FER1L5: variants seen among roughly 807,000 people sequenced by gnomAD.
FER1L5 encodes the protein fer-1-like protein 5.
A neutral mutation model predicts 279.9 loss-of-function variants in FER1L5; 187 were observed. The ratio of observed to expected loss-of-function variants is 0.67; its 90% CI spans 0.59 to 0.75. FER1L5 has a LOEUF of 0.75. Among genes scored for constraint, FER1L5 ranks in the 30% least tolerant of loss-of-function variants. The pLI is 0.00. For synonymous variants in FER1L5, 921 were observed against 989.7 expected (o/e 0.93, Z 1.30); for missense variants, 2,091 against 2,594.4 (o/e 0.81, Z 4.21).
At chr2:96,676,321 G>A (rs1029457835) in intron 19 of FER1L5, among the ~76,000 whole-genome samples, 4 of 152,038 alleles carry the variant, frequency 2.6e-5, no homozygotes, top group Admixed American at 6.6e-5. Context: ...ACAGGCATGC[G>A]CCACCATGCC....
chr2:96,698,525 G>T lies in FER1L5; in HGVS notation c.4357-146G>T. 1 of 700,950 alleles carries T rather than the reference G, an allele frequency of 1.4e-6. No individual in the cohort carries two copies. The highest frequency in any genetic ancestry group is 2.4e-6 in the Non-Finnish European group (1 of 423,092). The allele number at this position is 700,950 out of a possible 1,614,324, so 43.4% of individuals were successfully genotyped here. ...GCCCTGCTGAACACCTTCTGTACCT[G>T]CCTCCACTGTCCTCATGGCCTTCTA... On this transcript the variant is annotated intron_variant, in intron 40 of 52. Coordinates refer to ENST00000624922, the MANE Select transcript of FER1L5 (RefSeq NM_001293083.2). The surrounding 1 kb of genome is among the most constrained non-coding windows in gnomAD (Gnocchi z 5.5).
chr2:96,668,174 A>G (rs1435701361), intron 14 of FER1L5, among the ~76,000 whole-genome samples: 1 of 152,146 alleles, frequency 6.6e-6, no homozygotes, highest in Non-Finnish European at 1.5e-5. Context: ...AAAAATACAA[A>G]ACGATCATGT....
In FER1L5 at chr2:96,691,822, C is replaced by T. The variant is rs1173573689; in HGVS notation, c.3076-3C>T. 6.4e-7 allele frequency: 1 copy of T among 1,551,632 alleles called. No homozygotes were observed. Among genetic ancestry groups the T allele is most frequent in the Non-Finnish European group, 8.7e-7 (1 of 1,147,002 alleles). On this transcript the variant is annotated splice_polypyrimidine_tract_variant and splice_region_variant and intron_variant, in intron 29 of 52. Transcript: ENST00000624922. This position sits in a 1 kb window ranked among gnomAD's most constrained non-coding sequence, Gnocchi z 6.0. ...GCCTCAGGGGAGACTGTCCTGGGTA[C>T]AGGCTATGGATCTGAAATACCACGC... is the stretch of plus-strand genomic sequence containing the variant.
rs1200229538 is a variant in FER1L5, at chr2:96,654,435, C to T, written c.697-11C>T. 2.5e-6 allele frequency: 1 copy of T among 399,098 alleles called. No homozygotes were observed. The highest frequency in any genetic ancestry group is 4.4e-5 in the Admixed American group (1 of 22,742). The allele number at this position is 399,098 out of a possible 1,614,324, so 24.7% of individuals were successfully genotyped here. ...TGAATAATTAAAATATTTCTGGGAA[C>T]TCCCTTGCAGGTGGTGAACTCCTCA... On this transcript the variant is annotated splice_polypyrimidine_tract_variant and intron_variant, in intron 8 of 52. Coordinates refer to ENST00000624922, the MANE Select transcript of FER1L5 (RefSeq NM_001293083.2).
chr2:96,694,696 G>A lies in FER1L5; in HGVS notation c.3741+232G>A. ...AGGAGTAGGCAAAGGGCTGTAGCATGCATGATCACTTGTGGGACTCACGCT... is the reference window on the plus strand; with the variant it reads ...AGGAGTAGGCAAAGGGCTGTAGCATACATGATCACTTGTGGGACTCACGCT... On this transcript the variant is annotated intron_variant, in intron 34 of 52. Transcript: ENST00000624922. This position sits in a 1 kb window ranked among gnomAD's most constrained non-coding sequence, Gnocchi z 4.6. 2.4e-6 allele frequency: 1 copy of A among 409,428 alleles called. No individual in the cohort carries two copies. The allele number at this position is 409,428 out of a possible 1,614,324, so 25.4% of individuals were successfully genotyped here.
Position 96,702,287 on chromosome 2 carries a change from CAG to C in FER1L5, c.5160-16_5160-15del, listed in dbSNP as rs780395107. On this transcript the variant is annotated splice_polypyrimidine_tract_variant and intron_variant, in intron 46 of 52. Transcript: ENST00000624922. The surrounding 1 kb of genome is among the most constrained non-coding windows in gnomAD (Gnocchi z 4.0). Reference sequence around the variant, plus strand: ...GGGGAGCTCCTCCTCAGCAAAGCCTCAGAGCACAGTGGCCACAGGTATGAGCT... The same window carrying C: ...GGGGAGCTCCTCCTCAGCAAAGCCTCAGCACAGTGGCCACAGGTATGAGCT... 13 of 1,606,188 alleles carry C rather than the reference CAG, an allele frequency of 8.1e-6. No individual in the cohort carries two copies. Among genetic ancestry groups the C allele is most frequent in the African/African-American group, 1.3e-5 (1 of 74,906 alleles).
intron 19 of FER1L5, among the ~76,000 whole-genome samples, chr2:96,679,450 G>C (rs771377985): frequency 1.3e-5 from 2 of 152,026 alleles, no homozygotes; most frequent in Non-Finnish European, 2.9e-5. Context: ...TCTCGATCTC[G>C]TGACCTCGTG....
chr2:96,673,022 T>C lies in FER1L5; in HGVS notation c.1492-55T>C, dbSNP rs1007922963. On this transcript the variant is annotated intron_variant, in intron 18 of 52. Transcript: ENST00000624922. ...TCATCCTTGCCTCCCTGCCTGTCAA[T>C]ATAACCCTTGGCTTATGTACTGGGT... 5 of 1,518,830 alleles carry C rather than the reference T, an allele frequency of 3.3e-6. No homozygotes were observed. The Admixed American group carries it at 1.0e-4, about 32-fold the overall frequency. The allele number at this position is 1,518,830 out of a possible 1,614,324, so 94.1% of individuals were successfully genotyped here.
intron 19 of FER1L5, among the ~76,000 whole-genome samples, chr2:96,678,063 G>A (rs556379853): frequency 7.3e-5 from 11 of 151,334 alleles, no homozygotes; most frequent in South Asian, 2.1e-4. Flanking sequence ...GCAGCTCATC[G>A]TTGTGTTAAT....
At position 96,698,522 on chromosome 2, in the gene FER1L5, C is replaced by A; in HGVS notation, c.4357-149C>A. 1 of 695,300 alleles carries A rather than the reference C, an allele frequency of 1.4e-6. No individual in the cohort carries two copies. The highest frequency in any genetic ancestry group is 2.4e-6 in the Non-Finnish European group (1 of 418,806). 43.1% of individuals were successfully genotyped at this position (695,300 alleles called of 1,614,324 possible). ...TGGGCCCTGCTGAACACCTTCTGTA[C>A]CTGCCTCCACTGTCCTCATGGCCTT... On this transcript the variant is annotated intron_variant, in intron 40 of 52. Coordinates refer to ENST00000624922, the MANE Select transcript of FER1L5 (RefSeq NM_001293083.2). This position sits in a 1 kb window ranked among gnomAD's most constrained non-coding sequence, Gnocchi z 5.5.
chr2:96,698,659 T>C lies in FER1L5; in HGVS notation c.4357-12T>C, dbSNP rs1573966817. 1 of 1,568,682 alleles carries C rather than the reference T, an allele frequency of 6.4e-7. No individual in the cohort carries two copies. The highest frequency in any genetic ancestry group is 8.6e-7 in the Non-Finnish European group (1 of 1,156,702). Reference sequence around the variant, plus strand: ...CTGCCAGGCTGGGCCCCCAACACCCTCCCCCCGCCAGGGCCTTTTCCGCAT... The same window carrying C: ...CTGCCAGGCTGGGCCCCCAACACCCCCCCCCCGCCAGGGCCTTTTCCGCAT... On this transcript the variant is annotated splice_polypyrimidine_tract_variant and intron_variant, in intron 40 of 52. Coordinates refer to ENST00000624922, the MANE Select transcript of FER1L5 (RefSeq NM_001293083.2). This position sits in a 1 kb window ranked among gnomAD's most constrained non-coding sequence, Gnocchi z 5.5.
At chr2:96,701,913 G>C (rs2077599923) in intron 45 of FER1L5, 42 bp from the exon 46 acceptor site, 1 of 1,595,038 alleles carries the variant, frequency 6.3e-7, no homozygotes, top group Non-Finnish European at 8.6e-7. Context: ...GCTGAGAACA[G>C]AGGCTAGCAA....
At chr2:96,662,075 G>A in intron 12 of FER1L5, 140 bp from the exon 13 acceptor site, 2 of 870,794 alleles carry the variant, frequency 2.3e-6, no homozygotes, top group Non-Finnish European at 3.6e-6. Context: ...GAAGGGGCAT[G>A]GTGGGAACTG....
intron 18 of FER1L5, among the ~76,000 whole-genome samples, chr2:96,672,516 G>A (rs1055289484): frequency 6.6e-6 from 1 of 152,132 alleles, no homozygotes; most frequent in Admixed American, 6.5e-5. Flanking sequence ...GCAAGAATGG[G>A]GCAGAGGTTG....
intron 2 of FER1L5, 78 bp downstream of exon 2, chr2:96,646,531 C>A: frequency 2.1e-6 from 3 of 1,446,160 alleles, no homozygotes; most frequent in Non-Finnish European, 2.8e-6. Flanking sequence ...CAGGAAGGTG[C>A]TCAGAGGTCT....
Position 96,704,376 on chromosome 2 carries a change from A to C in FER1L5, c.5949+14A>C, listed in dbSNP as rs751889866. 4 of 1,613,648 alleles carry C rather than the reference A, an allele frequency of 2.5e-6. No individual in the cohort carries two copies. Among genetic ancestry groups the C allele is most frequent in the Admixed American group, 3.3e-5 (2 of 59,994 alleles). ...TATTCAGCTCCGGTGAGTGGCAGCC[A>C]TGGGGGCAAGGACAAAGGTGGTCTC... On this transcript the variant is annotated intron_variant, in intron 52 of 52. Coordinates refer to ENST00000624922, the MANE Select transcript of FER1L5 (RefSeq NM_001293083.2).
At position 96,691,496 on chromosome 2, in the gene FER1L5, A is replaced by G; in HGVS notation, c.2959A>G (p.Lys987Glu). The change falls in exon 29 of 53, where the codon AAG becomes GAG. Residue 987 changes from lysine to glutamate, a missense_variant. By Grantham distance (56) the Lys-to-Glu change is moderately conservative (BLOSUM62 1). Transcript: ENST00000624922. This position sits in a 1 kb window ranked among gnomAD's most constrained non-coding sequence, Gnocchi z 6.0. Reference protein sequence around the residue: ...EGWEYDTFGSKFHLNPQPQSR... With the variant: ...EGWEYDTFGSEFHLNPQPQSR... Reference sequence around the variant, plus strand: ...CTGGGAGTATGACACCTTCGGCTCCAAGTTCCACCTCAACCCTCAGCCCCA... The same window carrying G: ...CTGGGAGTATGACACCTTCGGCTCCGAGTTCCACCTCAACCCTCAGCCCCA... 6.5e-7 allele frequency: 1 copy of G among 1,549,706 alleles called. No homozygotes were observed.
At position 96,691,940 on chromosome 2, in the gene FER1L5, C is replaced by A. The variant is rs1219115247; in HGVS notation, c.3191C>A (p.Pro1064His). The stretch of plus-strand genomic sequence containing the variant: ...CAGGACACCCGGCCCCCCAACTTGC[C>A]CTTCATCTACTGCACCTTCAATAGT... ...QRQDTRPPNL[P>H]FIYCTFNKPH... is the part of the protein sequence containing the mutation. The change falls in exon 30 of 53, where the codon CCC (proline) becomes CAC (histidine). Residue 1064 changes from proline to histidine, a missense_variant. By Grantham distance (77) the Pro-to-His change is moderately conservative (BLOSUM62 -2). Transcript: ENST00000624922. This position sits in a 1 kb window ranked among gnomAD's most constrained non-coding sequence, Gnocchi z 6.0. The A allele has an allele frequency of 7.7e-6, 12 of 1,549,978 alleles. No homozygotes were observed. Among genetic ancestry groups the A allele is most frequent in the Non-Finnish European group, 1.0e-5 (12 of 1,146,724 alleles).
rs774598241 is a variant in FER1L5, at chr2:96,700,474, A to G, written c.5070+3A>G. Reference sequence around the variant, plus strand: ...ACAGCCAGCCAGGCATCGACCAGGTATGAGACTGGAGGGGCCACTCCTGGC... The same window carrying G: ...ACAGCCAGCCAGGCATCGACCAGGTGTGAGACTGGAGGGGCCACTCCTGGC... On this transcript the variant is annotated splice_donor_region_variant and intron_variant, in intron 45 of 52. Coordinates refer to ENST00000624922, the MANE Select transcript of FER1L5 (RefSeq NM_001293083.2). 6.2e-7 allele frequency: 1 copy of G among 1,613,026 alleles called. No homozygotes were observed. Among genetic ancestry groups the G allele is most frequent in the Admixed American group, 1.7e-5 (1 of 60,020 alleles).
Sources: allele counts gnomAD v4.1 joint callset (sites outside exome capture counted in the v4.1 genomes callset), GRCh38; gene constraint gnomAD v4.1.1; non-coding constraint Gnocchi (gnomAD v3.1); transcripts MANE v1.5; gene names NCBI Gene and HGNC (gene_info 2026-07-23, HGNC 2026-07-21).